The following LRP1B variants were observed in gnomAD, a reference collection of about 807,000 sequenced individuals.
LRP1B encodes low-density lipoprotein receptor-related protein 1B.
Under a neutral mutation model 556.6 loss-of-function variants are expected in LRP1B, and 217 were observed. The ratio of observed to expected loss-of-function variants is 0.39; its 90% CI spans 0.35 to 0.44. The LOEUF is 0.44. Ranked by LOEUF, LRP1B falls within the 20% of genes least tolerant of loss-of-function variation. The pLI is 1.00. For synonymous variants in LRP1B, 2,047 were observed against 1,865.8 expected (o/e 1.10, Z -2.50); for missense variants, 5,053 against 5,620.8 (o/e 0.90, Z 3.23).
intron 20 of LRP1B, among the ~76,000 whole-genome samples, chr2:140,945,602 A>G (rs1204937189): frequency 6.6e-6 from 1 of 152,162 alleles, no homozygotes; most frequent in Non-Finnish European, 1.5e-5. Flanking sequence ...AAAATAAGCA[A>G]TGAGGAAAGG....
At chr2:140,451,057 T>C (rs1033071382) in intron 62 of LRP1B, among the ~76,000 whole-genome samples, 1 of 152,192 alleles carries the variant, frequency 6.6e-6, no homozygotes, top group African/African-American at 2.4e-5. Context: ...TTCTCCCACC[T>C]CAGCCTCCAG....
At chr2:140,919,012 T>C (rs1296621656) in intron 21 of LRP1B, among the ~76,000 whole-genome samples, 1 of 151,930 alleles carries the variant, frequency 6.6e-6, no homozygotes, top group African/African-American at 2.4e-5. Context: ...ATTTTGGGAG[T>C]AATATTTTTT....
intron 1 of LRP1B, among the ~76,000 whole-genome samples, chr2:142,075,161 A>G (rs2104919115): frequency 6.6e-6 from 1 of 152,246 alleles, no homozygotes; most frequent in Middle Eastern, 3.4e-3. Context: ...TGCTATAGAT[A>G]AAAAACACAA....
intron 75 of LRP1B, among the ~76,000 whole-genome samples, chr2:140,354,734 A>T (rs1682132381): frequency 6.6e-6 from 1 of 151,944 alleles, no homozygotes; most frequent in Non-Finnish European, 1.5e-5. Context: ...TTTGAAGGGG[A>T]TGGAGGAATT....
At chr2:141,088,400 T>A (rs1264166891) in intron 7 of LRP1B, among the ~76,000 whole-genome samples, 1 of 152,124 alleles carries the variant, frequency 6.6e-6, no homozygotes, top group Admixed American at 6.6e-5. Flanking sequence ...AAAAGTGAAA[T>A]AAAAACTTAA....
chr2:141,944,703 G>A (rs1241711560), intron 1 of LRP1B, among the ~76,000 whole-genome samples: 1 of 151,930 alleles, frequency 6.6e-6, no homozygotes, highest in East Asian at 1.9e-4. Context: ...ATGAACAGAT[G>A]GAAAAGCAGA....
intron 15 of LRP1B, among the ~76,000 whole-genome samples, chr2:141,002,568 T>C (rs1298479815): frequency 6.6e-6 from 1 of 152,062 alleles, no homozygotes; most frequent in African/African-American, 2.4e-5. Context: ...TCTAGATGAC[T>C]TATAATACCT....
intron 3 of LRP1B, among the ~76,000 whole-genome samples, chr2:141,393,431 A>G (rs1690127316): frequency 6.6e-6 from 1 of 152,152 alleles, no homozygotes; most frequent in Non-Finnish European, 1.5e-5. Context: ...GTTATTTCCC[A>G]GGCCCAATTA....
chr2:140,850,160 T>C lies in LRP1B; in HGVS notation c.4881A>G (p.Thr1627=). The change falls in exon 29 of 91, where the codon ACA becomes ACG. Residue 1627 remains threonine, a synonymous_variant. Coordinates refer to ENST00000389484, the MANE Select transcript of LRP1B (RefSeq NM_018557.3). ...EERLYWTDIK[T]QTIKRAFING... ...TAATAAAAGCTCGTTTAATGGTTTG[T>C]GTTTTAATATCTGTCCAGTATAAAC... 3.1e-6 allele frequency: 5 copies of C among 1,613,870 alleles called. No homozygotes were observed. The highest frequency in any genetic ancestry group is 4.2e-6 in the Non-Finnish European group (5 of 1,179,866).
At chr2:141,093,624 A>C (rs1052196160) in intron 7 of LRP1B, among the ~76,000 whole-genome samples, 2 of 152,060 alleles carry the variant, frequency 1.3e-5, no homozygotes, top group African/African-American at 4.8e-5. Flanking sequence ...GATTTAACCA[A>C]GTTTGTTGTT....
intron 2 of LRP1B, among the ~76,000 whole-genome samples, chr2:141,663,512 C>CA (rs1453472113): frequency 1.3e-5 from 2 of 151,968 alleles, no homozygotes; most frequent in Non-Finnish European, 2.9e-5. Context: ...AGAATATCAC[C>CA]ACTGACCCCA....
chr2:140,836,081 A>T (rs1691893150), intron 31 of LRP1B, among the ~76,000 whole-genome samples: 2 of 152,174 alleles, frequency 1.3e-5, no homozygotes, highest in South Asian at 4.1e-4. Flanking sequence ...TTATTTACTC[A>T]TTCCTCTTTT....
At chr2:141,397,523 C>T (rs1260172249) in intron 3 of LRP1B, among the ~76,000 whole-genome samples, 2 of 151,472 alleles carry the variant, frequency 1.3e-5, no homozygotes, top group Admixed American at 1.3e-4. Flanking sequence ...TATTAATACA[C>T]AATATTGGAA....
chr2:140,522,863 T>C (rs1045812530), intron 49 of LRP1B, among the ~76,000 whole-genome samples: 2 of 151,848 alleles, frequency 1.3e-5, no homozygotes, highest in African/African-American at 4.8e-5. Context: ...AAAACATGAA[T>C]AGATCAATGA....
chr2:141,818,293 G>A (rs1263114189), intron 1 of LRP1B, among the ~76,000 whole-genome samples: 1 of 152,108 alleles, frequency 6.6e-6, no homozygotes, highest in African/African-American at 2.4e-5. Context: ...AACAATGTTA[G>A]TTATAAAATA....
intron 2 of LRP1B, among the ~76,000 whole-genome samples, chr2:141,605,613 C>A (rs1001812962): frequency 2.6e-5 from 4 of 152,128 alleles, no homozygotes; most frequent in Non-Finnish European, 5.9e-5. Context: ...TAATACTCAG[C>A]CCATTACATG....
intron 60 of LRP1B, among the ~76,000 whole-genome samples, chr2:140,473,283 G>C (rs1345428261): frequency 4.6e-5 from 7 of 151,932 alleles, no homozygotes; most frequent in Non-Finnish European, 1.0e-4. Context: ...AAAACCTTCA[G>C]GAGAAAATAT....
chr2:140,680,820 C>A (rs1473839705), intron 41 of LRP1B, among the ~76,000 whole-genome samples: 1 of 152,080 alleles, frequency 6.6e-6, no homozygotes. Context: ...CTCTAAAAAC[C>A]TAATTTTGTG....
intron 11 of LRP1B, among the ~76,000 whole-genome samples, chr2:141,036,802 C>G (rs533126196): frequency 1.3e-5 from 2 of 152,036 alleles, no homozygotes; most frequent in East Asian, 3.9e-4. Context: ...CGAAAGCTGT[C>G]TAACCCTGGA....
Sources: gnomAD v4.1 joint callset for allele counts (sites outside exome capture counted in the v4.1 genomes callset) on GRCh38, gnomAD v4.1.1 for gene constraint, MANE v1.5 for transcripts, NCBI Gene and HGNC (gene_info 2026-07-23, HGNC 2026-07-21) for gene names.